The following ALK variants were observed in gnomAD, a reference collection of about 807,000 sequenced individuals.
ALK encodes the protein ALK receptor tyrosine kinase, also known as ALK tyrosine kinase receptor.
A neutral mutation model predicts 163.1 loss-of-function variants in ALK; 74 were observed. The observed-to-expected ratio is 0.45, with a 90% CI of 0.38 to 0.55. The LOEUF (loss-of-function observed/expected upper bound fraction) is 0.55, where lower values mean the gene tolerates loss of function less well. ALK is among the 20% of genes least tolerant of loss of function. The pLI is 0.00. For synonymous variants in ALK, 960 were observed against 843.2 expected (o/e 1.14, Z -2.40); for missense variants, 2,063 against 2,105.3 (o/e 0.98, Z 0.39).
At position 29,297,049 on chromosome 2, in the gene ALK, C is replaced by T. The variant is rs1205245551; in HGVS notation, c.1656G>A (p.Met552Ile). 1 of 1,614,070 alleles carries T rather than the reference C, an allele frequency of 6.2e-7. No individual in the cohort carries two copies. The change falls in exon 9 of 29, where the codon ATG becomes ATA. Residue 552 changes from methionine to isoleucine, a missense_variant. Transcript: ENST00000389048. ...TCAAGACTCCACGAATGAGCCAGGA[C>T]ATTCGGAGCTGTGAGGGCGAGAAGA... ...PIKSSPCELRMSWLIRGVLRG... is the reference protein window; with the variant it reads ...PIKSSPCELRISWLIRGVLRG...
Position 29,593,658 on chromosome 2 carries a change from T to C in ALK, c.953-61542A>G, listed in dbSNP as rs531112303. On this transcript the variant is annotated intron_variant, in intron 3 of 28. Coordinates refer to ENST00000389048, the MANE Select transcript of ALK (RefSeq NM_004304.5). ...TAATTCAAAGAAAACCAAAACACAGTGAAAGAAAGATGTCACTCTGCATTT... is the reference window on the plus strand; with the variant it reads ...TAATTCAAAGAAAACCAAAACACAGCGAAAGAAAGATGTCACTCTGCATTT... Among the ~76,000 whole-genome samples, 27 of 152,276 alleles carry C rather than the reference T, an allele frequency of 1.8e-4. No individual in the cohort carries two copies. In the South Asian group the frequency reaches 5.4e-3, roughly 30 times the overall value.
At chr2:29,710,709 A>C (rs1679065875) in intron 2 of ALK, among the ~76,000 whole-genome samples, 1 of 152,120 alleles carries the variant, frequency 6.6e-6, no homozygotes, top group African/African-American at 2.4e-5. Flanking sequence ...ACAGGGTTTC[A>C]CCATGTTAGC....
At chr2:29,574,065 TA>T (rs5830124) in intron 3 of ALK, among the ~76,000 whole-genome samples, 6 of 149,728 alleles carry the variant, frequency 4.0e-5, no homozygotes, top group African/African-American at 1.2e-4. Flanking sequence ...CTGAAAAAAA[TA>T]AAAAAAAAAA....
In ALK at chr2:29,307,129, C is replaced by T. The variant is rs527324044; in HGVS notation, c.1648-10072G>A. Among the ~76,000 whole-genome samples the T allele has an allele frequency of 7.2e-5, 11 of 152,358 alleles. 1 individual carries two copies. The South Asian group carries it at 2.3e-3, about 32-fold the overall frequency. On this transcript the variant is annotated intron_variant, in intron 8 of 28. Transcript: ENST00000389048. ...GCAATTTTATGTCTTGAATATGCCCCATGTTTGCTATGCATACCTCGTGGC... is the reference window on the plus strand; with the variant it reads ...GCAATTTTATGTCTTGAATATGCCCTATGTTTGCTATGCATACCTCGTGGC...
intron 4 of ALK, among the ~76,000 whole-genome samples, chr2:29,408,576 T>C (rs1395983365): frequency 2.6e-5 from 4 of 152,228 alleles, no homozygotes; most frequent in African/African-American, 9.6e-5. Context: ...ATGCATATAT[T>C]ATAGGGACTT....
At chr2:29,475,253 AC>A (rs2148113946) in intron 4 of ALK, among the ~76,000 whole-genome samples, 1 of 152,176 alleles carries the variant, frequency 6.6e-6, no homozygotes, top group South Asian at 2.1e-4. Context: ...TCGCTGGAAG[AC>A]CTCAGGCCTC....
intron 1 of ALK, among the ~76,000 whole-genome samples, chr2:29,850,730 T>C (rs972245809): frequency 1.3e-4 from 20 of 152,190 alleles, no homozygotes; most frequent in Admixed American, 2.0e-4. Context: ...TGCCTCCCAG[T>C]GTATTTTGTA....
intron 3 of ALK, among the ~76,000 whole-genome samples, chr2:29,538,191 G>T (rs556187235): frequency 6.6e-5 from 10 of 151,886 alleles, no homozygotes; most frequent in African/African-American, 1.7e-4. Context: ...ATGATATTTG[G>T]GGGGGGCAGG....
intron 1 of ALK, among the ~76,000 whole-genome samples, chr2:29,723,318 AG>A (rs1374233941): frequency 6.6e-6 from 1 of 152,166 alleles, no homozygotes; most frequent in South Asian, 2.1e-4. Flanking sequence ...TCCTACTCAG[AG>A]GTACATGGCC....
intron 3 of ALK, among the ~76,000 whole-genome samples, chr2:29,573,673 GA>G (rs1203626011): frequency 6.6e-6 from 1 of 152,160 alleles, no homozygotes; most frequent in Non-Finnish European, 1.5e-5. Context: ...CTGCAACAGA[GA>G]GCGTGCGGGC....
At chr2:29,419,889 TG>T (rs1669974304) in intron 4 of ALK, among the ~76,000 whole-genome samples, 1 of 151,266 alleles carries the variant, frequency 6.6e-6, no homozygotes, top group Non-Finnish European at 1.5e-5. Flanking sequence ...CTGGGTGAGG[TG>T]GCCCATGCCT....
intron 4 of ALK, among the ~76,000 whole-genome samples, chr2:29,531,610 G>C (rs949730793): frequency 3.3e-5 from 5 of 151,942 alleles, no homozygotes; most frequent in Non-Finnish European, 7.4e-5. Flanking sequence ...TTCTTTGACT[G>C]TTTTCTTCTT....
At chr2:29,702,208 G>A (rs1444431044) in intron 2 of ALK, among the ~76,000 whole-genome samples, 1 of 152,044 alleles carries the variant, frequency 6.6e-6, no homozygotes, top group African/African-American at 2.4e-5. Flanking sequence ...ATGGACAGGA[G>A]GCTGTGCTGA....
At chr2:29,379,713 T>A (rs76181701) in intron 5 of ALK, among the ~76,000 whole-genome samples, 10,992 of 151,144 alleles carry the variant, frequency 0.073, 515 homozygotes, top group Non-Finnish European at 0.11. Flanking sequence ...AAAGAAGGAG[T>A]AATATTGAGG....
At chr2:29,215,406 T>C (rs1669575295) in intron 23 of ALK, among the ~76,000 whole-genome samples, 1 of 152,210 alleles carries the variant, frequency 6.6e-6, no homozygotes, top group African/African-American at 2.4e-5. Flanking sequence ...GCTTCAGTTC[T>C]TGGGGAGACA....
At position 29,590,046 on chromosome 2, in the gene ALK, C is replaced by A. The variant is rs982273074; in HGVS notation, c.953-57930G>T. Among the ~76,000 whole-genome samples, 6 of 152,316 alleles carry A rather than the reference C, an allele frequency of 3.9e-5. 1 individual carries two copies. In the South Asian group the frequency reaches 1.2e-3, roughly 32 times the overall value. ...AAAGTCACCCCTGGGACACTGCCCA[C>A]CCACAGCCAAAGCTAGTTTGTCTGG... is the stretch of plus-strand genomic sequence containing the variant. On this transcript the variant is annotated intron_variant, in intron 3 of 28. Coordinates refer to ENST00000389048, the MANE Select transcript of ALK (RefSeq NM_004304.5).
At chr2:29,517,643 G>A (rs543169024) in intron 4 of ALK, among the ~76,000 whole-genome samples, 3 of 152,236 alleles carry the variant, frequency 2.0e-5, no homozygotes, top group South Asian at 4.2e-4. Context: ...GCTACTAATG[G>A]AGATATTATC....
chr2:29,915,935 C>A (rs1667822245), intron 1 of ALK, among the ~76,000 whole-genome samples: 1 of 152,186 alleles, frequency 6.6e-6, no homozygotes, highest in Admixed American at 6.6e-5. Context: ...TTGTCATTAA[C>A]AATTTCTTAA....
At chr2:29,876,306 G>A (rs1666703304) in intron 1 of ALK, among the ~76,000 whole-genome samples, 1 of 144,806 alleles carries the variant, frequency 6.9e-6, no homozygotes, top group Admixed American at 6.7e-5. Flanking sequence ...GGTGATGACA[G>A]TGGTGGTGAT....
Sources: gnomAD v4.1 joint callset for allele counts (sites outside exome capture counted in the v4.1 genomes callset) on GRCh38, gnomAD v4.1.1 for gene constraint, MANE v1.5 for transcripts, NCBI Gene and HGNC (gene_info 2026-07-23, HGNC 2026-07-21) for gene names.